The following EHD2 variants were observed in gnomAD, a reference collection of about 807,000 sequenced individuals.
EHD2 encodes the protein EH domain-containing protein 2.
In EHD2, 27 loss-of-function variants were observed where a neutral mutation model predicts 41.0. That is an observed-to-expected ratio of 0.66 (90% confidence interval 0.49 to 0.91). EHD2 has a LOEUF of 0.91. Among genes scored for constraint, EHD2 ranks in the 40% least tolerant of loss-of-function variants. The pLI is 0.00. For missense variants in EHD2, 673 were observed against 773.9 expected (o/e 0.87, Z 1.55); for synonymous variants, 342 against 341.0 (o/e 1.00, Z -0.03).
Position 47,723,352 on chromosome 19 carries a change from G to A in EHD2, c.503-2460G>A, listed in dbSNP as rs150796087. On this transcript the variant is annotated intron_variant, in intron 3 of 5. Coordinates refer to ENST00000263277, the MANE Select transcript of EHD2 (RefSeq NM_014601.4). The stretch of plus-strand genomic sequence containing the variant: ...AAAAACAGTTTCATTGAGGATTAAC[G>A]TACACGCCATAAAAACTCAACCATT... 2.2e-3 allele frequency among the ~76,000 whole-genome samples: 329 copies of A among 152,196 alleles called. 3 individuals are homozygous for A. The highest frequency in any genetic ancestry group is 7.5e-3 in the African/African-American group (311 of 41,532).
chr19:47,716,961 G>T lies in EHD2; in HGVS notation c.349G>T (p.Asp117Tyr), dbSNP rs1209218489. 1 of 1,605,754 alleles carries T rather than the reference G, an allele frequency of 6.2e-7. No individual in the cohort carries two copies. Among genetic ancestry groups the T allele is most frequent in the African/African-American group, 1.3e-5 (1 of 75,064 alleles). The change falls in exon 2 of 6, where the codon GAC (aspartate) becomes TAC (tyrosine). Residue 117 changes from aspartate (D) to tyrosine (Y), a missense_variant. Transcript: ENST00000263277. The part of the protein sequence containing the change: ...GTVPGNALVV[D>Y]PDKPFRKLNP... The stretch of plus-strand genomic sequence containing the variant: ...CGTGCCCGGCAACGCCCTCGTCGTG[G>T]ACCCGGACAAGCCCTTCCGCAAACT...
intron 2 of EHD2, among the ~76,000 whole-genome samples, chr19:47,718,204 C>T (rs1048685869): frequency 7.1e-6 from 1 of 141,708 alleles, no homozygotes; most frequent in African/African-American, 2.7e-5. Context: ...ACTCGGGAGG[C>T]GGAGGTTGCA....
intron 2 of EHD2, 122 bp from the exon 3 acceptor site, chr19:47,718,387 T>C: frequency 1.3e-6 from 1 of 751,112 alleles, no homozygotes; most frequent in Non-Finnish European, 2.2e-6. Flanking sequence ...TTCTGTCCGG[T>C]GTCTTTCTTC....
chr19:47,734,543 G>A (rs1465857938), intron 4 of EHD2, among the ~76,000 whole-genome samples: 1 of 151,940 alleles, frequency 6.6e-6, no homozygotes, highest in Non-Finnish European at 1.5e-5. Flanking sequence ...TTTGAGGTCA[G>A]GAGTTTGAGA....
intron 5 of EHD2, among the ~76,000 whole-genome samples, chr19:47,738,656 T>C (rs1056971570): frequency 1.3e-5 from 2 of 152,228 alleles, no homozygotes; most frequent in Non-Finnish European, 2.9e-5. Context: ...GCTGCCATAC[T>C]GGACAGGCTA....
chr19:47,718,428 C>G, intron 2 of EHD2, 81 bp from the exon 3 acceptor site: 1 of 1,274,498 alleles, frequency 7.8e-7, no homozygotes, highest in Non-Finnish European at 1.1e-6. Flanking sequence ...CATGCGGTCC[C>G]GAGTCCCTCT....
At position 47,731,293 on chromosome 19, in the gene EHD2, T is replaced by TATATATAC. The variant is rs1555793915; in HGVS notation, c.916-5069_916-5068insCATATATA. 739 of 89,630 alleles carry TATATATAC rather than the reference T, an allele frequency of 8.2e-3. 12 individuals carry two copies. The highest frequency in any genetic ancestry group is 0.015 in the Non-Finnish European group (545 of 37,340). 5.6% of individuals were successfully genotyped at this position (89,630 alleles called of 1,614,324 possible). On this transcript the variant is annotated intron_variant, in intron 4 of 5. Coordinates refer to ENST00000263277, the MANE Select transcript of EHD2 (RefSeq NM_014601.4). ...AAAAAAAAAAAAATATATATATATATATATATATACATATATATATAATTT... is the reference window on the plus strand; with the variant it reads ...AAAAAAAAAAAAATATATATATATATATATATACATATATATACATATATATATAATTT...
intron 4 of EHD2, among the ~76,000 whole-genome samples, chr19:47,730,123 G>A: frequency 6.6e-6 from 1 of 151,970 alleles, no homozygotes; most frequent in East Asian, 1.9e-4. Context: ...GGGCGGCTCC[G>A]GAAACCCAGA....
At chr19:47,736,267 A>G in intron 4 of EHD2, 102 bp from the exon 5 acceptor site, 3 of 1,110,048 alleles carry the variant, frequency 2.7e-6, no homozygotes, top group Non-Finnish European at 3.9e-6. Flanking sequence ...CCCAGCCCAG[A>G]CCAAGTAAAT....
chr19:47,715,986 C>T (rs1973620483), intron 1 of EHD2, among the ~76,000 whole-genome samples: 1 of 151,598 alleles, frequency 6.6e-6, no homozygotes, highest in African/African-American at 2.4e-5. Context: ...TCAGGCTGGT[C>T]TCAAACTCCT....
rs1042695243 is a variant in EHD2, at chr19:47,740,908, A to G, written c.1108A>G (p.Lys370Glu). The G allele has an allele frequency of 6.2e-7, 1 of 1,613,176 alleles. No individual in the cohort carries two copies. Among genetic ancestry groups the G allele is most frequent in the Non-Finnish European group, 8.5e-7 (1 of 1,179,872 alleles). The change falls in exon 6 of 6, where the codon AAG becomes GAG. Residue 370 changes from lysine (K) to glutamate (E), a missense_variant. By Grantham distance (56) the Lys-to-Glu change is moderately conservative (BLOSUM62 1). Transcript: ENST00000263277. ...QELLMAHDFTKFHSLKPKLLE... is the reference protein window; with the variant it reads ...QELLMAHDFTEFHSLKPKLLE... ...GCTGCTGATGGCGCACGACTTCACC[A>G]AGTTTCACTCGCTGAAGCCGAAGCT...
At chr19:47,713,860 T>C (rs747682993) in intron 1 of EHD2, among the ~76,000 whole-genome samples, 1 of 151,434 alleles carries the variant, frequency 6.6e-6, no homozygotes, top group Non-Finnish European at 1.5e-5. Context: ...CACGCCCTCA[T>C]CCATATCAGC....
intron 5 of EHD2, among the ~76,000 whole-genome samples, chr19:47,737,952 C>T (rs904630612): frequency 1.0e-4 from 15 of 144,224 alleles, no homozygotes; most frequent in Non-Finnish European, 1.8e-4. Flanking sequence ...GTGATCTTGG[C>T]TCACTGCAAC....
chr19:47,733,489 T>C lies in EHD2; in HGVS notation c.916-2880T>C, dbSNP rs1162536651. 2.0e-5 allele frequency among the ~76,000 whole-genome samples: 3 copies of C among 151,776 alleles called. No homozygotes were observed. The East Asian group carries it at 5.8e-4, about 30-fold the overall frequency. ...GAGATCGAGACCATCCTGGCCAACA[T>C]GGTGGAACCCAGTCTCTACTAAAAA... On this transcript the variant is annotated intron_variant, in intron 4 of 5. Coordinates refer to ENST00000263277, the MANE Select transcript of EHD2 (RefSeq NM_014601.4).
intron 4 of EHD2, among the ~76,000 whole-genome samples, chr19:47,733,971 A>G (rs1258776824): frequency 1.3e-5 from 2 of 152,146 alleles, no homozygotes; most frequent in African/African-American, 4.8e-5. Flanking sequence ...AACTTCAATA[A>G]GCAAATAGAG....
chr19:47,729,910 C>T (rs897700958), intron 4 of EHD2, among the ~76,000 whole-genome samples: 10 of 152,058 alleles, frequency 6.6e-5, no homozygotes, highest in Middle Eastern at 6.8e-3. Flanking sequence ...TTCTAACTCC[C>T]TTTCCTTTTC....
intron 4 of EHD2, among the ~76,000 whole-genome samples, chr19:47,732,640 C>G (rs376544514): frequency 6.6e-6 from 1 of 151,976 alleles, no homozygotes; most frequent in Non-Finnish European, 1.5e-5. Flanking sequence ...AGGCTGGTCT[C>G]GAACTTCTGG....
At chr19:47,731,888 C>A (rs546357605) in intron 4 of EHD2, among the ~76,000 whole-genome samples, 1 of 146,208 alleles carries the variant, frequency 6.8e-6, no homozygotes, top group Non-Finnish European at 1.5e-5. Context: ...CCCGGGTTCA[C>A]GCCATTCTCC....
At chr19:47,733,776 T>TAAAAAAAAAAA (rs1966894498) in intron 4 of EHD2, among the ~76,000 whole-genome samples, 1 of 42,640 alleles carries the variant, frequency 2.3e-5, no homozygotes, top group Non-Finnish European at 6.0e-5. Flanking sequence ...AAAAAAAAAA[T>TAAAAAAAAAAA]CCACTGTCCA....
Sources: allele counts gnomAD v4.1 joint callset (sites outside exome capture counted in the v4.1 genomes callset), GRCh38; gene constraint gnomAD v4.1.1; transcripts MANE v1.5; gene names NCBI Gene and HGNC (gene_info 2026-07-23, HGNC 2026-07-21).